Variants in AMBRA1 observed in about 807,000 individuals in gnomAD.
AMBRA1 encodes the protein activating molecule in BECN1-regulated autophagy protein 1.
A neutral mutation model predicts 125.4 loss-of-function variants in AMBRA1; 47 were observed. The ratio of observed to expected loss-of-function variants is 0.37; its 90% CI spans 0.30 to 0.48. The LOEUF is 0.48. AMBRA1 is among the 20% of genes least tolerant of loss of function. AMBRA1 has a pLI of 0.99. For synonymous variants in AMBRA1, 626 were observed against 655.5 expected (o/e 0.95, Z 0.69); for missense variants, 1,331 against 1,693.4 (o/e 0.79, Z 3.76).
intron 11 of AMBRA1, among the ~76,000 whole-genome samples, chr11:46,468,010 GT>G (rs1243482550): frequency 6.6e-6 from 1 of 152,196 alleles, no homozygotes; most frequent in East Asian, 1.9e-4. Flanking sequence ...GGCTAGAATA[GT>G]GAGAAGAGAT....
chr11:46,573,557 T>G (rs188607449), intron 1 of AMBRA1, among the ~76,000 whole-genome samples: 4 of 152,222 alleles, frequency 2.6e-5, no homozygotes, highest in Admixed American at 2.6e-4. Flanking sequence ...TTATGTAATT[T>G]AGCCATCTTT....
Position 46,487,385 on chromosome 11 carries a change from TAA to T in AMBRA1, c.2521+6221_2521+6222del, listed in dbSNP as rs554603500. On this transcript the variant is annotated intron_variant, in intron 11 of 17. Transcript: ENST00000683756. ...AATAACAATTTTATTAACAAGTTAA[TAA>T]AGTTAGATGAAAATAAAAGTAAATT... Among the ~76,000 whole-genome samples, 6 of 152,266 alleles carry T rather than the reference TAA, an allele frequency of 3.9e-5. No homozygotes were observed. The South Asian group carries it at 1.2e-3, about 32-fold the overall frequency.
intron 1 of AMBRA1, among the ~76,000 whole-genome samples, chr11:46,552,938 C>T (rs1591105253): frequency 6.6e-6 from 1 of 151,556 alleles, no homozygotes; most frequent in African/African-American, 2.4e-5. Flanking sequence ...AAGCCCAAAC[C>T]TCATCACTCA....
chr11:46,398,057 A>G (rs1329223559), intron 17 of AMBRA1, 114 bp from the exon 18 acceptor site: 1 of 1,356,376 alleles, frequency 7.4e-7, no homozygotes, highest in Non-Finnish European at 9.8e-7. Context: ...CAGGATAGAG[A>G]AAGACTCGCT....
intron 11 of AMBRA1, among the ~76,000 whole-genome samples, chr11:46,481,615 G>A (rs895740131): frequency 3.9e-5 from 6 of 152,016 alleles, no homozygotes; most frequent in African/African-American, 7.3e-5. Context: ...GGCCTGCCTC[G>A]GCCTCCCAAA....
At chr11:46,457,852 G>A (rs1208647994) in intron 11 of AMBRA1, among the ~76,000 whole-genome samples, 2 of 150,540 alleles carry the variant, frequency 1.3e-5, no homozygotes, top group Non-Finnish European at 2.9e-5. Flanking sequence ...GTTGCAGTGA[G>A]TCGAGATTGC....
chr11:46,467,549 C>CTT (rs577671556), intron 11 of AMBRA1, among the ~76,000 whole-genome samples: 53 of 134,268 alleles, frequency 3.9e-4, no homozygotes, highest in African/African-American at 1.3e-3. Flanking sequence ...CTATGTTACT[C>CTT]TTTTTTTTTT....
chr11:46,474,124 C>G (rs955720768), intron 11 of AMBRA1, among the ~76,000 whole-genome samples: 1 of 151,082 alleles, frequency 6.6e-6, no homozygotes, highest in African/African-American at 2.4e-5. Context: ...TGAGGAGATC[C>G]CTGAACTTTT....
At chr11:46,490,558 T>C (rs1950424158) in intron 11 of AMBRA1, among the ~76,000 whole-genome samples, 1 of 152,188 alleles carries the variant, frequency 6.6e-6, no homozygotes, top group Admixed American at 6.5e-5. Context: ...TTGTTGATGA[T>C]TCTGAATGGC....
intron 9 of AMBRA1, among the ~76,000 whole-genome samples, chr11:46,503,678 G>GA (rs1950927049): frequency 6.6e-6 from 1 of 152,110 alleles, no homozygotes; most frequent in Non-Finnish European, 1.5e-5. Flanking sequence ...GGACTTCTGG[G>GA]AAAAGAGGAC....
chr11:46,470,931 CTAA>C (rs1785514697), intron 11 of AMBRA1, among the ~76,000 whole-genome samples: 1 of 152,126 alleles, frequency 6.6e-6, no homozygotes, highest in Non-Finnish European at 1.5e-5. Context: ...GGAGAAAGAA[CTAA>C]TAAGTTCACC....
At chr11:46,462,222 C>G (rs940072051) in intron 11 of AMBRA1, among the ~76,000 whole-genome samples, 1 of 152,168 alleles carries the variant, frequency 6.6e-6, no homozygotes, top group African/African-American at 2.4e-5. Flanking sequence ...GTGAGCACGG[C>G]GGTGTAAGCA....
intron 17 of AMBRA1, among the ~76,000 whole-genome samples, chr11:46,404,513 C>T (rs1945912013): frequency 6.6e-6 from 1 of 152,226 alleles, no homozygotes; most frequent in African/African-American, 2.4e-5. Context: ...GTGCCCATAC[C>T]CTCTGACCCA....
At chr11:46,541,474 A>C (rs1952738150) in intron 7 of AMBRA1, among the ~76,000 whole-genome samples, 1 of 152,162 alleles carries the variant, frequency 6.6e-6, no homozygotes, top group Non-Finnish European at 1.5e-5. Flanking sequence ...CCAAAAGATA[A>C]GGATTAGGAA....
At chr11:46,512,423 C>T (rs191475945) in intron 8 of AMBRA1, among the ~76,000 whole-genome samples, 7 of 152,314 alleles carry the variant, frequency 4.6e-5, no homozygotes, top group African/African-American at 1.7e-4. Context: ...ACAACAGCCT[C>T]TCTGGCCAAC....
intron 9 of AMBRA1, among the ~76,000 whole-genome samples, chr11:46,503,623 G>A (rs1188221340): frequency 2.0e-5 from 3 of 152,154 alleles, no homozygotes; most frequent in Non-Finnish European, 4.4e-5. Context: ...CGCAAAAAAA[G>A]CCAAGCACAA....
At chr11:46,497,161 G>A (rs190036929) in intron 9 of AMBRA1, among the ~76,000 whole-genome samples, 10 of 151,724 alleles carry the variant, frequency 6.6e-5, no homozygotes, top group Admixed American at 4.6e-4. Flanking sequence ...TAAAGGGAAG[G>A]GGTTAAGATG....
At chr11:46,447,998 T>G (rs1008231352) in intron 11 of AMBRA1, among the ~76,000 whole-genome samples, 28 of 152,218 alleles carry the variant, frequency 1.8e-4, no homozygotes, top group African/African-American at 6.8e-4. Context: ...TGTGTGTATT[T>G]CATCTACAGT....
At chr11:46,458,199 A>C (rs1948935200) in intron 11 of AMBRA1, among the ~76,000 whole-genome samples, 1 of 152,230 alleles carries the variant, frequency 6.6e-6, no homozygotes, top group Non-Finnish European at 1.5e-5. Context: ...ATTAAAATCC[A>C]GTGTTCAAAC....
Sources: gnomAD v4.1 joint callset for allele counts (sites outside exome capture counted in the v4.1 genomes callset) on GRCh38, gnomAD v4.1.1 for gene constraint, MANE v1.5 for transcripts, NCBI Gene and HGNC (gene_info 2026-07-23, HGNC 2026-07-21) for gene names.